The following SUCO variants were observed in gnomAD, a reference collection of about 807,000 sequenced individuals.
SUCO encodes SUN domain-containing ossification factor.
SUCO carries 57 observed loss-of-function variants against 148.1 expected under a neutral mutation model. That is an observed-to-expected ratio of 0.38 (90% CI 0.31 to 0.48). The LOEUF (loss-of-function observed/expected upper bound fraction) is 0.48. Among genes scored for constraint, SUCO ranks in the 20% least tolerant of loss-of-function variants. SUCO has a pLI of 0.96. For missense variants in SUCO, 1,331 were observed against 1,468.2 expected (o/e 0.91, Z 1.53); for synonymous variants, 470 against 502.7 (o/e 0.93, Z 0.87).
intron 17 of SUCO, 137 bp from the exon 18 acceptor site, chr1:172,588,623 A>G: frequency 7.9e-7 from 1 of 1,273,638 alleles, no homozygotes; most frequent in African/African-American, 1.5e-5. Context: ...TTGTAGGTGA[A>G]ACATTTATCC....
At chr1:172,542,796 A>G (rs1417333230) in intron 1 of SUCO, 11 of 985,314 alleles carry the variant, frequency 1.1e-5, no homozygotes, top group Non-Finnish European at 1.1e-5. Context: ...AGCATAGTAA[A>G]GCTCTGAAAG....
At chr1:172,568,944 A>G in intron 6 of SUCO, 75 bp from the exon 7 acceptor site, 3 of 1,314,778 alleles carry the variant, frequency 2.3e-6, no homozygotes, top group Admixed American at 5.5e-5. Flanking sequence ...TGACAGAAAC[A>G]TTTGTATTTA....
At chr1:172,544,379 T>C (rs1380633500) in intron 1 of SUCO, among the ~76,000 whole-genome samples, 1 of 152,236 alleles carries the variant, frequency 6.6e-6, no homozygotes, top group Non-Finnish European at 1.5e-5. Flanking sequence ...TTGGAGTTGC[T>C]TAGTCTTATG....
At position 172,610,542 on chromosome 1, in the gene SUCO, G is replaced by T; in HGVS notation, c.*283G>T. 3.6e-6 allele frequency: 1 copy of T among 276,578 alleles called. No individual in the cohort carries two copies. The highest frequency in any genetic ancestry group is 7.0e-5 in the East Asian group (1 of 14,344). The allele number at this position is 276,578 out of a possible 1,614,324, so 17.1% of individuals were successfully genotyped here. A position where few individuals can be genotyped will look rare whatever the true frequency, so the allele number is the denominator to read the frequency against. The stretch of plus-strand genomic sequence containing the variant: ...GGGACAAAAGTAATTTGGAAGCCCA[G>T]TTCCTTAGGTGGGATAGGAATGAAA... On this transcript the variant is annotated 3_prime_UTR_variant, in exon 24 of 24. Coordinates refer to ENST00000263688, the MANE Select transcript of SUCO (RefSeq NM_014283.5).
chr1:172,603,666 G>A (rs913362397), intron 22 of SUCO, among the ~76,000 whole-genome samples: 8 of 151,714 alleles, frequency 5.3e-5, no homozygotes, highest in Admixed American at 4.6e-4. Flanking sequence ...TGTGTAAAAC[G>A]TAATGAATTT....
chr1:172,591,694 G>A (rs1446001231), intron 19 of SUCO, among the ~76,000 whole-genome samples: 4 of 151,910 alleles, frequency 2.6e-5, no homozygotes, highest in Admixed American at 2.6e-4. Flanking sequence ...GGACATTTGG[G>A]TTGGTTCCAA....
intron 1 of SUCO, among the ~76,000 whole-genome samples, chr1:172,535,349 AATT>A (rs1651928913): frequency 6.6e-6 from 1 of 152,190 alleles, no homozygotes; most frequent in Non-Finnish European, 1.5e-5. Context: ...GAGACATTTT[AATT>A]ATTCTTTAGC....
intron 7 of SUCO, among the ~76,000 whole-genome samples, chr1:172,569,729 A>G (rs1654807326): frequency 6.6e-6 from 1 of 152,204 alleles, no homozygotes; most frequent in South Asian, 2.1e-4. Flanking sequence ...TAAGAAATAC[A>G]TCCTTAATAG....
At chr1:172,594,130 A>G (rs1214771318) in intron 19 of SUCO, among the ~76,000 whole-genome samples, 3 of 151,924 alleles carry the variant, frequency 2.0e-5, no homozygotes, top group Non-Finnish European at 1.5e-5. Context: ...TATCCCCTTT[A>G]TCAATTTTTT....
intron 17 of SUCO, among the ~76,000 whole-genome samples, chr1:172,586,165 T>TGG (rs34300126): frequency 0.014 from 2,086 of 151,590 alleles, 37 homozygotes; most frequent in African/African-American, 0.049. Flanking sequence ...AAACTTTTTT[T>TGG]GGGGGGGGTA....
At position 172,608,735 on chromosome 1, in the gene SUCO, T is replaced by A; in HGVS notation, c.3266-12T>A. 1 of 1,561,368 alleles carries A rather than the reference T, an allele frequency of 6.4e-7. No homozygotes were observed. The highest frequency in any genetic ancestry group is 8.7e-7 in the Non-Finnish European group (1 of 1,145,592). ...ACATTTTACATCTGCTTTTTTTTTT[T>A]TTTACTTACAGTAGACCCAAATGAT... On this transcript the variant is annotated splice_polypyrimidine_tract_variant and intron_variant, in intron 22 of 23. Coordinates refer to ENST00000263688, the MANE Select transcript of SUCO (RefSeq NM_014283.5).
At chr1:172,577,444 TA>T in intron 11 of SUCO, 94 bp from the exon 12 acceptor site, 2 of 1,198,502 alleles carry the variant, frequency 1.7e-6, no homozygotes, top group Non-Finnish European at 2.4e-6. Flanking sequence ...CTCTATACTT[TA>T]TACAACATAA....
intron 23 of SUCO, chr1:172,609,377 A>C: frequency 1.0e-6 from 1 of 976,070 alleles, no homozygotes; most frequent in South Asian, 4.7e-5. Context: ...CAAATAGCCT[A>C]AGATTCATTC....
intron 4 of SUCO, chr1:172,557,025 T>C (rs1334066613): frequency 1.0e-6 from 1 of 973,462 alleles, no homozygotes; most frequent in Non-Finnish European, 1.2e-6. Flanking sequence ...AATTAAACTT[T>C]AGAGAAGATA....
chr1:172,597,675 A>G (rs1306557300), intron 19 of SUCO, among the ~76,000 whole-genome samples: 2 of 151,904 alleles, frequency 1.3e-5, no homozygotes, highest in South Asian at 2.1e-4. Flanking sequence ...CCGTTCCCCT[A>G]TCTTGCTGAT....
chr1:172,584,725 G>A (rs983579423), intron 15 of SUCO, among the ~76,000 whole-genome samples: 2 of 152,052 alleles, frequency 1.3e-5, no homozygotes, highest in African/African-American at 2.4e-5. Flanking sequence ...GCAGTGAGCC[G>A]AGATTGCACC....
intron 3 of SUCO, 81 bp from the exon 4 acceptor site, chr1:172,555,788 C>T: frequency 9.0e-7 from 1 of 1,107,686 alleles, no homozygotes; most frequent in African/African-American, 1.6e-5. Flanking sequence ...TTCAGAAATG[C>T]TTTCCATAAA....
chr1:172,572,311 G>A (rs930685159), intron 9 of SUCO, among the ~76,000 whole-genome samples: 19 of 151,778 alleles, frequency 1.3e-4, no homozygotes, highest in South Asian at 2.1e-4. Context: ...ATGTCTGTGT[G>A]GAAAGAGGTA....
At position 172,569,456 on chromosome 1, in the gene SUCO, AAAAG is replaced by A. The variant is rs142361465; in HGVS notation, c.856+317_856+320del. The A allele has an allele frequency of 9.9e-4, 969 of 980,784 alleles. 6 individuals are homozygous for A. In the African/African-American group the frequency reaches 0.013, roughly 14 times the overall value. The allele number at this position is 980,784 out of a possible 1,614,324, so 60.8% of individuals were successfully genotyped here. ...TATTTTAAAATTCATATGGAACTCAAAAAGAACTTGCATAAAATCCTTGGGTTTA... is the reference window on the plus strand; with the variant it reads ...TATTTTAAAATTCATATGGAACTCAAAACTTGCATAAAATCCTTGGGTTTA... On this transcript the variant is annotated intron_variant, in intron 7 of 23. Coordinates refer to ENST00000263688, the MANE Select transcript of SUCO (RefSeq NM_014283.5).
Sources: allele counts gnomAD v4.1 joint callset (sites outside exome capture counted in the v4.1 genomes callset), GRCh38; gene constraint gnomAD v4.1.1; transcripts MANE v1.5; gene names NCBI Gene and HGNC (gene_info 2026-07-23, HGNC 2026-07-21).